The following JAKMIP2 variants were observed in gnomAD, a reference collection of about 807,000 sequenced individuals.
JAKMIP2 encodes the protein janus kinase and microtubule-interacting protein 2.
JAKMIP2 carries 25 observed loss-of-function variants against 115.0 expected under a neutral mutation model. That is an observed-to-expected ratio of 0.22 (90% confidence interval 0.16 to 0.30). The LOEUF is 0.30. Among genes scored for constraint, JAKMIP2 ranks in the 10% least tolerant of loss-of-function variants. The probability of loss-of-function intolerance (pLI) is 1.00; values close to 1 mark genes in which losing one functional copy is unlikely to be tolerated. For missense variants in JAKMIP2, 642 were observed against 957.6 expected (o/e 0.67, Z 4.35); for synonymous variants, 334 against 343.6 (o/e 0.97, Z 0.31).
chr5:147,749,147 G>A (rs1049852748), intron 1 of JAKMIP2, among the ~76,000 whole-genome samples: 1 of 151,828 alleles, frequency 6.6e-6, no homozygotes, highest in African/African-American at 2.4e-5. Flanking sequence ...ATATAAATTT[G>A]TCAATTTGAA....
intron 1 of JAKMIP2, among the ~76,000 whole-genome samples, chr5:147,753,493 T>C (rs546925987): frequency 5.9e-5 from 9 of 152,216 alleles, no homozygotes; most frequent in Admixed American, 1.3e-4. Flanking sequence ...AAGTGAGCAA[T>C]GGCTCCTCAG....
chr5:147,622,441 C>T (rs574428794), intron 17 of JAKMIP2, among the ~76,000 whole-genome samples: 49 of 152,206 alleles, frequency 3.2e-4, no homozygotes, highest in Non-Finnish European at 5.9e-4. Context: ...CTGGCAACCA[C>T]AGTCTACTGT....
rs1561547232 is a variant in JAKMIP2 at position 147,702,579 on chromosome 5, G to GAAAGAAGGAAA, written c.-148-30626_-148-30625insTTTCCTTCTTT. 9.9e-5 allele frequency among the ~76,000 whole-genome samples: 8 copies of GAAAGAAGGAAA among 80,610 alleles called. 1 individual carries two copies. Among genetic ancestry groups the GAAAGAAGGAAA allele is most frequent in the East Asian group, 6.5e-4 (2 of 3,090 alleles). The allele number at this position is 80,610 out of a possible 152,430, so 52.9% of individuals were successfully genotyped here. On this transcript the variant is annotated intron_variant, in intron 1 of 21. Transcript: ENST00000616793. Reference sequence around the variant, plus strand: ...AAGAAAGAAAGAAAGAAAGAAAGAAGGAAAGAAAGAAAGAAAGAAAGAAGG... The same window carrying GAAAGAAGGAAA: ...AAGAAAGAAAGAAAGAAAGAAAGAAGAAAGAAGGAAAGAAAGAAAGAAAGAAAGAAAGAAGG...
intron 5 of JAKMIP2, among the ~76,000 whole-genome samples, chr5:147,645,856 C>A (rs962610113): frequency 6.6e-6 from 1 of 152,166 alleles, no homozygotes; most frequent in Non-Finnish European, 1.5e-5. Context: ...TAGTTGGGAA[C>A]CACTGGTCTA....
At chr5:147,740,213 G>A (rs539659222) in intron 1 of JAKMIP2, among the ~76,000 whole-genome samples, 1 of 152,274 alleles carries the variant, frequency 6.6e-6, no homozygotes, top group South Asian at 2.1e-4. Context: ...TTTATATAAA[G>A]CCAAACAATA....
chr5:147,627,975 C>T (rs1011543583), intron 16 of JAKMIP2, among the ~76,000 whole-genome samples: 1 of 150,188 alleles, frequency 6.7e-6, no homozygotes, highest in Admixed American at 6.6e-5. Flanking sequence ...TTTTATCCAA[C>T]CATGTGCACA....
chr5:147,628,430 C>T (rs1032630291), intron 16 of JAKMIP2, among the ~76,000 whole-genome samples: 1 of 152,058 alleles, frequency 6.6e-6, no homozygotes, highest in African/African-American at 2.4e-5. Flanking sequence ...ATCATCGCCC[C>T]GCAGAATTCT....
At chr5:147,678,294 G>A (rs550105183) in intron 1 of JAKMIP2, among the ~76,000 whole-genome samples, 89 of 152,158 alleles carry the variant, frequency 5.8e-4, no homozygotes, top group African/African-American at 2.0e-3. Flanking sequence ...GAGCCACCAC[G>A]CCTGGCTACC....
chr5:147,658,846 C>G (rs1758816473), intron 3 of JAKMIP2, among the ~76,000 whole-genome samples: 1 of 152,172 alleles, frequency 6.6e-6, no homozygotes, highest in Non-Finnish European at 1.5e-5. Context: ...AAACCACCAA[C>G]TAAAGCCACA....
chr5:147,664,878 C>T (rs922187331), intron 2 of JAKMIP2, among the ~76,000 whole-genome samples: 1 of 151,998 alleles, frequency 6.6e-6, no homozygotes, highest in Admixed American at 6.6e-5. Flanking sequence ...CTGGCTAGGC[C>T]CCTAGCCAGA....
chr5:147,594,563 G>A (rs1342483271), intron 21 of JAKMIP2: 5 of 336,166 alleles, frequency 1.5e-5, no homozygotes, highest in Non-Finnish European at 2.6e-5. Context: ...TAAACTCCTG[G>A]GCTCAAGTGA....
chr5:147,764,958 G>A lies in JAKMIP2; in HGVS notation c.-149+17498C>T, dbSNP rs796604695. 1.1e-3 allele frequency among the ~76,000 whole-genome samples: 79 copies of A among 74,440 alleles called. 1 individual carries two copies. The highest frequency in any genetic ancestry group is 0.01 in the East Asian group (22 of 2,150). 48.8% of individuals were successfully genotyped at this position (74,440 alleles called of 152,430 possible). ...AGAGAGAGAGAGAGGGAGAGAGAGA[G>A]AGAGAGAGGGGGAGAGAGAGAGAGA... is the stretch of plus-strand genomic sequence containing the variant. On this transcript the variant is annotated intron_variant, in intron 1 of 21. Coordinates refer to ENST00000616793, the MANE Select transcript of JAKMIP2 (RefSeq NM_001270941.2).
At chr5:147,592,956 T>C (rs1239691463) in intron 21 of JAKMIP2, among the ~76,000 whole-genome samples, 4 of 151,984 alleles carry the variant, frequency 2.6e-5, no homozygotes, top group Admixed American at 6.6e-5. Flanking sequence ...GGAGAACCTG[T>C]GGGAAGGAAG....
chr5:147,684,296 AACAC>A (rs10565596), intron 1 of JAKMIP2, among the ~76,000 whole-genome samples: 3,917 of 147,392 alleles, frequency 0.027, 104 homozygotes, highest in African/African-American at 0.068. Flanking sequence ...AGTGCCAGAG[AACAC>A]ACACACACAC....
At chr5:147,704,131 T>G (rs1752479832) in intron 1 of JAKMIP2, among the ~76,000 whole-genome samples, 1 of 152,152 alleles carries the variant, frequency 6.6e-6, no homozygotes, top group South Asian at 2.1e-4. Flanking sequence ...GTCTTACAGT[T>G]AACTTTTATA....
intron 1 of JAKMIP2, among the ~76,000 whole-genome samples, chr5:147,697,552 A>T (rs965267690): frequency 6.6e-6 from 1 of 152,138 alleles, no homozygotes; most frequent in Non-Finnish European, 1.5e-5. Context: ...AGAAGGAAAA[A>T]ATGGTTACAT....
At chr5:147,724,614 TTAA>T (rs1310681553) in intron 1 of JAKMIP2, among the ~76,000 whole-genome samples, 1 of 152,108 alleles carries the variant, frequency 6.6e-6, no homozygotes, top group East Asian at 1.9e-4. Context: ...ATCCCTTGAG[TTAA>T]CCAGGCTAAT....
intron 1 of JAKMIP2, among the ~76,000 whole-genome samples, chr5:147,742,689 T>C (rs1754194949): frequency 6.6e-6 from 1 of 152,214 alleles, no homozygotes. Context: ...ATGCTTATTA[T>C]GTATGTGAAT....
chr5:147,752,327 C>T (rs1362456057), intron 1 of JAKMIP2, among the ~76,000 whole-genome samples: 2 of 152,170 alleles, frequency 1.3e-5, no homozygotes, highest in African/African-American at 4.8e-5. Flanking sequence ...GTACTGTAAA[C>T]TTAGTGCCTG....
Sources: allele counts gnomAD v4.1 joint callset (sites outside exome capture counted in the v4.1 genomes callset), GRCh38; gene constraint gnomAD v4.1.1; transcripts MANE v1.5; gene names NCBI Gene and HGNC (gene_info 2026-07-23, HGNC 2026-07-21).